ATF7IP2: variants seen among roughly 807,000 people sequenced by gnomAD.
The protein encoded by ATF7IP2 is activating transcription factor 7 interacting protein 2.
ATF7IP2 carries 42 observed loss-of-function variants against 64.2 expected under a neutral mutation model. The ratio of observed to expected loss-of-function variants is 0.65; its 90% CI spans 0.51 to 0.85. The LOEUF is 0.85. Ranked by LOEUF, ATF7IP2 falls within the 40% of genes least tolerant of loss-of-function variation. The probability of loss-of-function intolerance (pLI) is 0.00; values close to 1 mark genes in which losing one functional copy is unlikely to be tolerated. For missense variants in ATF7IP2, 933 were observed against 784.2 expected (o/e 1.19, Z -2.27); for synonymous variants, 308 against 272.8 (o/e 1.13, Z -1.27).
intron 3 of ATF7IP2, among the ~76,000 whole-genome samples, chr16:10,420,174 A>G (rs1468409142): frequency 2.0e-5 from 3 of 152,186 alleles, no homozygotes; most frequent in Non-Finnish European, 4.4e-5. Flanking sequence ...CTTGGTTAGT[A>G]TATATAGCCT....
chr16:10,460,283 A>T (rs2049330458), intron 9 of ATF7IP2, among the ~76,000 whole-genome samples: 1 of 152,190 alleles, frequency 6.6e-6, no homozygotes, highest in East Asian at 1.9e-4. Context: ...AAATCAATTA[A>T]AAAGATATAT....
At chr16:10,389,137 A>AAT (rs2047270039) in intron 1 of ATF7IP2, among the ~76,000 whole-genome samples, 1 of 152,182 alleles carries the variant, frequency 6.6e-6, no homozygotes, top group Admixed American at 6.6e-5. Context: ...GAAGGTTGAT[A>AAT]ATATGACAGT....
intron 9 of ATF7IP2, among the ~76,000 whole-genome samples, chr16:10,468,314 A>G (rs190736410): frequency 2.8e-4 from 43 of 152,316 alleles, no homozygotes; most frequent in Non-Finnish European, 5.1e-4. Context: ...TTAAATCTGC[A>G]TGGAAAACTG....
In ATF7IP2 at chr16:10,431,820, C is replaced by CTTTTTTT. The variant is rs35046235; in HGVS notation, c.835+380_835+386dup. Among the ~76,000 whole-genome samples the CTTTTTTT allele has an allele frequency of 2.9e-4, 33 of 113,270 alleles. 1 individual carries two copies. Among genetic ancestry groups the CTTTTTTT allele is most frequent in the African/African-American group, 5.0e-4 (14 of 28,016 alleles). The allele number at this position is 113,270 out of a possible 152,430, so 74.3% of individuals were successfully genotyped here. A position where few individuals can be genotyped will look rare whatever the true frequency, so the allele number is the denominator to read the frequency against. ...TTAAAAATTGTTGGTAACCCTATTT[C>CTTTTTTT]TTTTTTTTTTTTTTTTTTTTTGAGA... On this transcript the variant is annotated intron_variant, in intron 5 of 13. Coordinates refer to ENST00000562102, the MANE Select transcript of ATF7IP2 (RefSeq NM_001393719.1).
At chr16:10,452,134 T>C (rs751956443) in intron 8 of ATF7IP2, among the ~76,000 whole-genome samples, 20 of 152,182 alleles carry the variant, frequency 1.3e-4, no homozygotes, top group Non-Finnish European at 2.6e-4. Flanking sequence ...CTTGTCACCC[T>C]CATTCTCCGT....
rs76957672 is a variant in ATF7IP2 at position 10,462,040 on chromosome 16, C to T, written c.1352+4511C>T. Among the ~76,000 whole-genome samples, 12 of 151,992 alleles carry T rather than the reference C, an allele frequency of 7.9e-5. No individual in the cohort carries two copies. In the East Asian group the frequency reaches 2.3e-3, roughly 29 times the overall value. On this transcript the variant is annotated intron_variant, in intron 9 of 13. Coordinates refer to ENST00000562102, the MANE Select transcript of ATF7IP2 (RefSeq NM_001393719.1). ...TTTTGAATTAATCTTTTTTCCATTC[C>T]CCATTACTTTGTTAATTTTACCGTT... is the stretch of plus-strand genomic sequence containing the variant.
intron 1 of ATF7IP2, among the ~76,000 whole-genome samples, chr16:10,414,201 T>C (rs981347282): frequency 6.6e-6 from 1 of 152,180 alleles, no homozygotes; most frequent in African/African-American, 2.4e-5. Context: ...CTTTCTCTTC[T>C]TCCTCAGGAA....
At chr16:10,403,668 A>C (rs1000056533) in intron 1 of ATF7IP2, among the ~76,000 whole-genome samples, 3 of 152,232 alleles carry the variant, frequency 2.0e-5, no homozygotes, top group Admixed American at 6.5e-5. Flanking sequence ...AAAGAAACTT[A>C]ATGAAATGCA....
In ATF7IP2 at chr16:10,438,154, T is replaced by A. The variant is rs776968437; in HGVS notation, c.1014T>A (p.Asp338Glu). 1 of 1,601,820 alleles carries A rather than the reference T, an allele frequency of 6.2e-7. No individual in the cohort carries two copies. The highest frequency in any genetic ancestry group is 2.3e-5 in the East Asian group (1 of 43,660). The change falls in exon 7 of 14, where the codon GAT becomes GAA. Residue 338 changes from aspartate to glutamate, a missense_variant. Coordinates refer to ENST00000562102, the MANE Select transcript of ATF7IP2 (RefSeq NM_001393719.1). ...ATAGCATAAATTATGAACTATTTGATAAGAAACTGAAAGAATTGAACCAAC... is the reference window on the plus strand; with the variant it reads ...ATAGCATAAATTATGAACTATTTGAAAAGAAACTGAAAGAATTGAACCAAC... ...EIYSINYELFDKKLKELNQRI... is the reference protein window; with the variant it reads ...EIYSINYELFEKKLKELNQRI...
At chr16:10,413,415 A>G (rs901256481) in intron 1 of ATF7IP2, among the ~76,000 whole-genome samples, 1 of 152,162 alleles carries the variant, frequency 6.6e-6, no homozygotes, top group Admixed American at 6.5e-5. Flanking sequence ...GCCTCCCGCC[A>G]TGGTTCTGAG....
intron 2 of ATF7IP2, among the ~76,000 whole-genome samples, chr16:10,415,817 G>T (rs2047862809): frequency 1.3e-5 from 2 of 152,184 alleles, no homozygotes; most frequent in South Asian, 4.1e-4. Flanking sequence ...TTTCTCAAAA[G>T]GAGAGATACA....
At position 10,482,992 on chromosome 16, in the gene ATF7IP2, G is replaced by A. The variant is rs2050291917; in HGVS notation, c.*743G>A. ...GCCTCCCGAAGTGCTGGGATTATAGGCGTAAGCCACCATGCCTGGCCAAAA... is the reference window on the plus strand; with the variant it reads ...GCCTCCCGAAGTGCTGGGATTATAGACGTAAGCCACCATGCCTGGCCAAAA... On this transcript the variant is annotated 3_prime_UTR_variant, in exon 14 of 14. Transcript: ENST00000562102. The A allele has an allele frequency of 6.6e-6, 1 of 152,216 alleles. No homozygotes were observed. The highest frequency in any genetic ancestry group is 2.4e-5 in the African/African-American group (1 of 41,440). The allele number at this position is 152,216 out of a possible 1,614,324, so 9.4% of individuals were successfully genotyped here.
chr16:10,449,634 G>C (rs2048920818), intron 8 of ATF7IP2: 1 of 152,164 alleles, frequency 6.6e-6, no homozygotes, highest in African/African-American at 2.4e-5. Context: ...CTGTATTTCT[G>C]TGGGATCAGT....
intron 4 of ATF7IP2, among the ~76,000 whole-genome samples, chr16:10,429,495 A>C (rs13334433): frequency 6.6e-6 from 1 of 151,934 alleles, no homozygotes; most frequent in Admixed American, 6.6e-5. Context: ...GATTACAGGC[A>C]TGTGCCAGCA....
chr16:10,447,006 G>A (rs1017432582), intron 8 of ATF7IP2: 1 of 151,986 alleles, frequency 6.6e-6, no homozygotes, highest in African/African-American at 2.4e-5. Flanking sequence ...TACTTCCCCA[G>A]AGGGAATTTA....
chr16:10,413,704 A>G (rs1054817280), intron 1 of ATF7IP2, among the ~76,000 whole-genome samples: 3 of 152,224 alleles, frequency 2.0e-5, no homozygotes, highest in African/African-American at 7.2e-5. Flanking sequence ...AGCTCCTTAT[A>G]GCAGTTTTTA....
chr16:10,433,493 A>T, intron 5 of ATF7IP2, 32 bp from the exon 6 acceptor site: 1 of 1,590,128 alleles, frequency 6.3e-7, no homozygotes, highest in African/African-American at 1.4e-5. Context: ...TCTTTAAAAT[A>T]TCTTTCTTTC....
intron 6 of ATF7IP2, 104 bp downstream of exon 6, chr16:10,433,753 T>G: frequency 7.5e-7 from 1 of 1,331,820 alleles, no homozygotes; most frequent in Non-Finnish European, 1.1e-6. Context: ...CGACTTTCAC[T>G]TGCTGCAGAG....
At chr16:10,468,663 A>T (rs2049672310) in intron 9 of ATF7IP2, among the ~76,000 whole-genome samples, 1 of 152,206 alleles carries the variant, frequency 6.6e-6, no homozygotes, top group African/African-American at 2.4e-5. Flanking sequence ...AAAAATTCAG[A>T]TAGAGCTCTG....
Sources: allele counts gnomAD v4.1 joint callset (sites outside exome capture counted in the v4.1 genomes callset), GRCh38; gene constraint gnomAD v4.1.1; transcripts MANE v1.5; gene names NCBI Gene and HGNC (gene_info 2026-07-23, HGNC 2026-07-21).